POFUT3: variants seen among roughly 807,000 people sequenced by gnomAD.
The protein encoded by POFUT3 is GDP-fucose protein O-fucosyltransferase 3.
At chr8:33,342,975 C>T in the POFUT3 span, among the ~76,000 whole-genome samples, 4 of 151,944 alleles carry the variant, frequency 2.6e-5, no homozygotes, top group African/African-American at 4.8e-5. Context: ...GGTGTGGTGT[C>T]GCATGCCTGT....
At chr8:33,375,519 T>C in the POFUT3 span, among the ~76,000 whole-genome samples, 76 of 151,506 alleles carry the variant, frequency 5.0e-4, 1 homozygote, top group African/African-American at 1.8e-3. Context: ...AGTTAAACAA[T>C]CAACAAAGAC....
the POFUT3 span, among the ~76,000 whole-genome samples, chr8:33,453,818 C>T: frequency 1.3e-5 from 2 of 152,016 alleles, no homozygotes; most frequent in African/African-American, 4.8e-5. Flanking sequence ...ATGGTGGCGG[C>T]ACACACCTGT....
the POFUT3 span, among the ~76,000 whole-genome samples, chr8:33,423,602 G>A: frequency 6.6e-6 from 1 of 151,966 alleles, no homozygotes; most frequent in African/African-American, 2.4e-5. Context: ...TCACAGGCAT[G>A]CCATATAGAA....
chr8:33,389,793 C>T, the POFUT3 span: 9 of 1,606,908 alleles, frequency 5.6e-6, no homozygotes, highest in Non-Finnish European at 7.7e-6. Context: ...ATGTTAAAGT[C>T]AGTACCTAGG....
At chr8:33,470,884 C>T in the POFUT3 span, among the ~76,000 whole-genome samples, 1 of 152,070 alleles carries the variant, frequency 6.6e-6, no homozygotes, top group Admixed American at 6.6e-5. Context: ...GGAGTAAAAA[C>T]TCTCCATAAA....
the POFUT3 span, among the ~76,000 whole-genome samples, chr8:33,402,465 T>C: frequency 0.022 from 3,426 of 152,278 alleles, 121 homozygotes; most frequent in African/African-American, 0.078. Context: ...AGTCTCTCTC[T>C]ACCCAAGAGG....
At chr8:33,470,511 G>A in the POFUT3 span, among the ~76,000 whole-genome samples, 1 of 152,000 alleles carries the variant, frequency 6.6e-6, no homozygotes, top group African/African-American at 2.4e-5. Flanking sequence ...TCAAGAGCAG[G>A]GATTCTTTTT....
the POFUT3 span, among the ~76,000 whole-genome samples, chr8:33,382,668 G>A: frequency 6.6e-6 from 1 of 152,168 alleles, no homozygotes; most frequent in Non-Finnish European, 1.5e-5. Flanking sequence ...GGAGGCAACT[G>A]AAGACCCAAA....
At chr8:33,447,398 G>A in the POFUT3 span, among the ~76,000 whole-genome samples, 4 of 151,992 alleles carry the variant, frequency 2.6e-5, no homozygotes, top group South Asian at 2.1e-4. Flanking sequence ...GCAGTGAGCC[G>A]AGATCGTGCC....
the POFUT3 span, among the ~76,000 whole-genome samples, chr8:33,323,836 A>G: frequency 6.6e-5 from 10 of 152,206 alleles, no homozygotes; most frequent in Admixed American, 2.6e-4. Flanking sequence ...TTCATTCTAC[A>G]TAAGATGATG....
chr8:33,349,041 G>A, the POFUT3 span, among the ~76,000 whole-genome samples: 1 of 152,234 alleles, frequency 6.6e-6, no homozygotes, highest in African/African-American at 2.4e-5. Context: ...GCCAAAGGAT[G>A]TGGACTTGAC....
the POFUT3 span, among the ~76,000 whole-genome samples, chr8:33,374,757 T>C: frequency 4.6e-5 from 7 of 152,200 alleles, no homozygotes; most frequent in Non-Finnish European, 8.8e-5. Flanking sequence ...TAAAAGACAA[T>C]GGCAAAATAC....
chr8:33,453,892 T>C, the POFUT3 span, among the ~76,000 whole-genome samples: 2 of 151,866 alleles, frequency 1.3e-5, no homozygotes, highest in Admixed American at 1.3e-4. Flanking sequence ...GAGGCAGAGG[T>C]TGCAGTGAGC....
At chr8:33,327,195 T>C in the POFUT3 span, among the ~76,000 whole-genome samples, 1 of 152,304 alleles carries the variant, frequency 6.6e-6, no homozygotes, top group Admixed American at 6.5e-5. Flanking sequence ...GCTGGCCTCG[T>C]TTGCTGAAGA....
At chr8:33,436,206 G>T in the POFUT3 span, 1 of 1,288,078 alleles carries the variant, frequency 7.8e-7, no homozygotes, top group Non-Finnish European at 1.1e-6. Context: ...AGCCGAGAAC[G>T]TCCCAGAGAC....
At chr8:33,415,655 G>C in the POFUT3 span, among the ~76,000 whole-genome samples, 1 of 151,994 alleles carries the variant, frequency 6.6e-6, no homozygotes, top group African/African-American at 2.4e-5. Context: ...ATAATAAAGG[G>C]TAGAGAGAGA....
the POFUT3 span, among the ~76,000 whole-genome samples, chr8:33,386,194 A>C: frequency 3.5e-5 from 5 of 144,868 alleles, no homozygotes; most frequent in Non-Finnish European, 7.4e-5. Context: ...ATCTCAAAAA[A>C]AAAAAAAAAA....
the POFUT3 span, among the ~76,000 whole-genome samples, chr8:33,365,826 A>G: frequency 6.6e-6 from 1 of 152,238 alleles, no homozygotes; most frequent in Non-Finnish European, 1.5e-5. Flanking sequence ...AATTAGTTCA[A>G]CCATTGTGGA....
the POFUT3 span, among the ~76,000 whole-genome samples, chr8:33,369,310 G>C: frequency 6.6e-6 from 1 of 152,126 alleles, no homozygotes; most frequent in Non-Finnish European, 1.5e-5. Context: ...ACTAAAACTA[G>C]ATTATTTCTT....
Sources: gnomAD v4.1 joint callset for allele counts (sites outside exome capture counted in the v4.1 genomes callset) on GRCh38, gnomAD v4.1.1 for gene constraint, MANE v1.5 for transcripts, NCBI Gene and HGNC (gene_info 2026-07-23, HGNC 2026-07-21) for gene names.